AKT3: variants seen among roughly 807,000 people sequenced by gnomAD.
The protein encoded by AKT3 is RAC-gamma serine/threonine-protein kinase.
A neutral mutation model predicts 65.3 loss-of-function variants in AKT3; 15 were observed. The ratio of observed to expected loss-of-function variants is 0.23; its 90% CI spans 0.15 to 0.35. AKT3 has a LOEUF of 0.35. Ranked by LOEUF, AKT3 falls within the 10% of genes least tolerant of loss-of-function variation. The pLI, the probability that AKT3 is intolerant of heterozygous loss-of-function variation, is 1.00. For missense variants in AKT3, 243 were observed against 576.5 expected (o/e 0.42, Z 5.92); for synonymous variants, 206 against 183.8 (o/e 1.12, Z -0.98).
At chr1:243,819,463 A>G (rs2148418755) in intron 2 of AKT3, among the ~76,000 whole-genome samples, 1 of 152,286 alleles carries the variant, frequency 6.6e-6, no homozygotes, top group East Asian at 1.9e-4. Context: ...TAGCAACTCC[A>G]GCAGGGGTTT....
intron 2 of AKT3, among the ~76,000 whole-genome samples, chr1:243,699,474 T>C (rs1276253775): frequency 9.0e-4 from 9 of 9,966 alleles, no homozygotes; most frequent in African/African-American, 1.4e-3. Flanking sequence ...ACTATATATA[T>C]ATATATATAT....
At chr1:243,616,871 T>C (rs1678366644) in intron 6 of AKT3, among the ~76,000 whole-genome samples, 1 of 152,204 alleles carries the variant, frequency 6.6e-6, no homozygotes, top group South Asian at 2.1e-4. Context: ...CTCAGTCTTA[T>C]TTGTTTTATA....
chr1:243,564,701 T>C (rs541747283), intron 9 of AKT3, among the ~76,000 whole-genome samples: 3 of 152,314 alleles, frequency 2.0e-5, no homozygotes, highest in African/African-American at 7.2e-5. Flanking sequence ...TTCTGAGTTA[T>C]GATCATACAG....
Position 243,552,785 on chromosome 1 carries a change from G to C in AKT3, c.1107C>G (p.Leu369=). ...LMEDIKFPRT[L]SSDAKSLLSG... is the part of the protein sequence containing the mutation. Reference sequence around the variant, plus strand: ...AAAGCAATGATTTTGCATCTGAAGAGAGTGTTCGAGGAAATTTAATGTCTT... The same window carrying C: ...AAAGCAATGATTTTGCATCTGAAGACAGTGTTCGAGGAAATTTAATGTCTT... The change falls in exon 11 of 14, where the codon CTC becomes CTG. Residue 369 remains leucine (L), a synonymous_variant. Coordinates refer to ENST00000673466, the MANE Select transcript of AKT3 (RefSeq NM_005465.7). The C allele has an allele frequency of 6.2e-7, 1 of 1,613,972 alleles. No individual in the cohort carries two copies. Among genetic ancestry groups the C allele is most frequent in the Non-Finnish European group, 8.5e-7 (1 of 1,179,952 alleles).
intron 13 of AKT3, among the ~76,000 whole-genome samples, chr1:243,508,073 C>G (rs192115282): frequency 2.5e-4 from 38 of 152,238 alleles, no homozygotes; most frequent in Non-Finnish European, 4.0e-4. Flanking sequence ...CTTTTATCAA[C>G]AAAACCTCTG....
At chr1:243,571,114 C>A (rs1187053544) in intron 9 of AKT3, among the ~76,000 whole-genome samples, 1 of 151,912 alleles carries the variant, frequency 6.6e-6, no homozygotes, top group Non-Finnish European at 1.5e-5. Context: ...GTCAGGAGAT[C>A]GAGACTATCC....
intron 2 of AKT3, among the ~76,000 whole-genome samples, chr1:243,819,562 C>T (rs1207865782): frequency 6.6e-6 from 1 of 152,224 alleles, no homozygotes; most frequent in African/African-American, 2.4e-5. Flanking sequence ...AAGTCTTTCT[C>T]CCTGCTGGCT....
intron 2 of AKT3, among the ~76,000 whole-genome samples, chr1:243,798,662 C>T (rs994368651): frequency 1.3e-5 from 2 of 152,122 alleles, no homozygotes; most frequent in African/African-American, 4.8e-5. Flanking sequence ...CAAACAAACA[C>T]ACTTATCTCC....
At chr1:243,720,149 T>C (rs1259319702) in intron 2 of AKT3, among the ~76,000 whole-genome samples, 1 of 151,612 alleles carries the variant, frequency 6.6e-6, no homozygotes, top group Non-Finnish European at 1.5e-5. Context: ...AAATACAAAA[T>C]TGCCCGGAGA....
intron 2 of AKT3, among the ~76,000 whole-genome samples, chr1:243,829,727 A>G: frequency 6.6e-6 from 1 of 152,220 alleles, no homozygotes; most frequent in South Asian, 2.1e-4. Context: ...GGTATAAGAA[A>G]GTAGAACCCT....
intron 8 of AKT3, among the ~76,000 whole-genome samples, chr1:243,575,299 T>C (rs1210866608): frequency 2.0e-5 from 3 of 152,186 alleles, no homozygotes; most frequent in African/African-American, 7.2e-5. Context: ...GAACCAACTT[T>C]TCAATTCAGC....
chr1:243,772,532 A>T (rs1360862942), intron 2 of AKT3, among the ~76,000 whole-genome samples: 1 of 152,294 alleles, frequency 6.6e-6, no homozygotes, highest in African/African-American at 2.4e-5. Flanking sequence ...AAAAGTCAGG[A>T]AACAACAGGT....
At chr1:243,779,407 G>A (rs1307419032) in intron 2 of AKT3, among the ~76,000 whole-genome samples, 1 of 151,970 alleles carries the variant, frequency 6.6e-6, no homozygotes, top group African/African-American at 2.4e-5. Flanking sequence ...GAATCCTAGG[G>A]AACTCTACCC....
intron 8 of AKT3, among the ~76,000 whole-genome samples, chr1:243,603,621 C>T (rs535059957): frequency 6.6e-6 from 1 of 152,276 alleles, no homozygotes; most frequent in Admixed American, 6.5e-5. Flanking sequence ...GGTTTTAACA[C>T]TGCTCATGAT....
intron 2 of AKT3, among the ~76,000 whole-genome samples, chr1:243,728,357 A>C (rs1364080587): frequency 1.3e-5 from 2 of 152,202 alleles, no homozygotes; most frequent in Non-Finnish European, 2.9e-5. Context: ...CCAAAGTTCT[A>C]ACCAGGTGGT....
chr1:243,544,848 A>C (rs1672556149), intron 12 of AKT3, among the ~76,000 whole-genome samples: 3 of 150,680 alleles, frequency 2.0e-5, no homozygotes, highest in African/African-American at 2.4e-5. Context: ...GGAGTGCGCC[A>C]CCACGCCCAG....
Position 243,570,878 on chromosome 1 carries a change from T to G in AKT3, c.819+2048A>C, listed in dbSNP as rs554797704. Among the ~76,000 whole-genome samples, 20 of 152,360 alleles carry G rather than the reference T, an allele frequency of 1.3e-4. No homozygotes were observed. The South Asian group carries it at 4.1e-3, about 32-fold the overall frequency. ...AGGGAGCAGAGACCACTTAATTGTC[T>G]AGTAAACTTGGTGAACTGTGCACGT... On this transcript the variant is annotated intron_variant, in intron 9 of 13. Coordinates refer to ENST00000673466, the MANE Select transcript of AKT3 (RefSeq NM_005465.7).
At chr1:243,638,356 T>C (rs537542376) in intron 5 of AKT3, among the ~76,000 whole-genome samples, 1 of 152,320 alleles carries the variant, frequency 6.6e-6, no homozygotes, top group Admixed American at 6.5e-5. Context: ...CTTTAATTAA[T>C]GTGCCTGTTT....
chr1:243,844,852 T>C (rs760258974), intron 1 of AKT3, among the ~76,000 whole-genome samples: 2 of 152,292 alleles, frequency 1.3e-5, no homozygotes, highest in South Asian at 2.1e-4. Flanking sequence ...TACAGGGTCA[T>C]TGCTTATTGT....
Sources: gnomAD v4.1 joint callset for allele counts (sites outside exome capture counted in the v4.1 genomes callset) on GRCh38, gnomAD v4.1.1 for gene constraint, MANE v1.5 for transcripts, NCBI Gene and HGNC (gene_info 2026-07-23, HGNC 2026-07-21) for gene names.